Variants in DNAAF4 observed in about 807,000 individuals in gnomAD.
DNAAF4 encodes dynein axonemal assembly factor 4.
DNAAF4 carries 43 observed loss-of-function variants against 51.8 expected under a neutral mutation model. That is an observed-to-expected ratio of 0.83 (90% CI 0.65 to 1.07). The LOEUF (loss-of-function observed/expected upper bound fraction) is 1.07. DNAAF4 is among the 50% of genes least tolerant of loss of function. The pLI is 0.00. For missense variants in DNAAF4, 581 were observed against 493.0 expected (o/e 1.18, Z -1.69); for synonymous variants, 194 against 165.6 (o/e 1.17, Z -1.32).
chr15:55,481,165 C>T (rs1051680632), intron 4 of DNAAF4, among the ~76,000 whole-genome samples: 6 of 152,126 alleles, frequency 3.9e-5, no homozygotes, highest in African/African-American at 9.7e-5. Context: ...TTGGGTATGT[C>T]TTCATTAGCA....
At chr15:55,465,093 G>GA (rs2058149162) in intron 5 of DNAAF4, among the ~76,000 whole-genome samples, 1 of 152,086 alleles carries the variant, frequency 6.6e-6, no homozygotes, top group Admixed American at 6.6e-5. Context: ...ATTTAAAAAT[G>GA]AAAAAATAAC....
At chr15:55,502,196 T>C (rs2058703283) in intron 1 of DNAAF4, among the ~76,000 whole-genome samples, 1 of 152,140 alleles carries the variant, frequency 6.6e-6, no homozygotes, top group Admixed American at 6.5e-5. Flanking sequence ...ACACACATCA[T>C]GGGGTGTCTC....
chr15:55,438,365 A>G (rs1410638150), intron 7 of DNAAF4, among the ~76,000 whole-genome samples: 1 of 151,972 alleles, frequency 6.6e-6, no homozygotes. Context: ...AAAAAAAAAA[A>G]AATCCATATA....
At chr15:55,439,324 G>C in intron 7 of DNAAF4, 148 bp downstream of exon 7, 1 of 603,132 alleles carries the variant, frequency 1.7e-6, no homozygotes, top group Non-Finnish European at 2.9e-6. Context: ...TGCCCAGGTT[G>C]GTCTCAAACT....
downstream of DNAAF4, among the ~76,000 whole-genome samples, chr15:55,426,153 A>T (rs139036513): frequency 8.2e-5 from 12 of 147,158 alleles, no homozygotes; most frequent in African/African-American, 3.3e-4. Flanking sequence ...GGTGGAAGTC[A>T]CAAGATGGGA....
chr15:55,451,519 T>A (rs2057932179), intron 5 of DNAAF4, among the ~76,000 whole-genome samples: 2 of 151,880 alleles, frequency 1.3e-5, no homozygotes, highest in African/African-American at 4.8e-5. Context: ...CACAGAGAAA[T>A]AACATTAAGA....
chr15:55,465,237 C>T (rs1773146892), intron 5 of DNAAF4, among the ~76,000 whole-genome samples: 1 of 152,118 alleles, frequency 6.6e-6, no homozygotes, highest in African/African-American at 2.4e-5. Flanking sequence ...CCATTTGATC[C>T]AGCAATCCCC....
chr15:55,419,179 G>A (rs1339248514), intron 7 of DNAAF4, among the ~76,000 whole-genome samples: 3 of 152,092 alleles, frequency 2.0e-5, no homozygotes, highest in Non-Finnish European at 2.9e-5. Flanking sequence ...GCCACCCAAA[G>A]TGCTGAGATT....
At chr15:55,441,209 T>C (rs2057706141) in intron 6 of DNAAF4, among the ~76,000 whole-genome samples, 1 of 151,438 alleles carries the variant, frequency 6.6e-6, no homozygotes, top group Non-Finnish European at 1.5e-5. Flanking sequence ...ACAGCTAGGA[T>C]TACAGGCGTG....
At chr15:55,433,117 T>C (rs973910894) in intron 8 of DNAAF4, among the ~76,000 whole-genome samples, 2 of 152,020 alleles carry the variant, frequency 1.3e-5, no homozygotes, top group African/African-American at 4.8e-5. Flanking sequence ...CTGGCCAACA[T>C]GGCAAAACCC....
chr15:55,423,924 T>A (rs975772377), intron 7 of DNAAF4, among the ~76,000 whole-genome samples: 1 of 152,172 alleles, frequency 6.6e-6, no homozygotes, highest in Admixed American at 6.5e-5. Context: ...AAGCCATCTC[T>A]ACTAAAAATA....
In DNAAF4 at chr15:55,437,071, C is replaced by G. The variant is rs571781988; in HGVS notation, c.894-2013G>C. 3.3e-5 allele frequency among the ~76,000 whole-genome samples: 5 copies of G among 152,232 alleles called. No individual in the cohort carries two copies. The East Asian group carries it at 9.7e-4, about 29-fold the overall frequency. On this transcript the variant is annotated intron_variant, in intron 7 of 9. Coordinates refer to ENST00000321149, the MANE Select transcript of DNAAF4 (RefSeq NM_130810.4). ...ACCTCAGGTGATCCGCCCGCCTCAG[C>G]CTCCCAAAGTGCTGGGATTACAGGC... is the stretch of plus-strand genomic sequence containing the variant.
intron 4 of DNAAF4, among the ~76,000 whole-genome samples, chr15:55,471,476 T>TA (rs2058254113): frequency 6.6e-6 from 1 of 152,076 alleles, no homozygotes; most frequent in Admixed American, 6.6e-5. Flanking sequence ...CAAATATATA[T>TA]TTTTTATGAT....
chr15:55,480,882 G>T (rs913331073), intron 4 of DNAAF4, among the ~76,000 whole-genome samples: 9 of 152,164 alleles, frequency 5.9e-5, no homozygotes, highest in African/African-American at 2.2e-4. Flanking sequence ...ACCTTGGATT[G>T]TAATAATCCC....
At chr15:55,483,833 C>CTTTT (rs71105887) in intron 4 of DNAAF4, among the ~76,000 whole-genome samples, 952 of 82,436 alleles carry the variant, frequency 0.012, 203 homozygotes, top group Non-Finnish European at 0.016. Context: ...GCCAATAAAG[C>CTTTT]TTTTTTTTTT....
chr15:55,441,426 TACTA>T (rs1030168153), intron 6 of DNAAF4, among the ~76,000 whole-genome samples: 4 of 152,170 alleles, frequency 2.6e-5, no homozygotes, highest in Non-Finnish European at 4.4e-5. Flanking sequence ...TCTTTTTTTT[TACTA>T]TACTTTAAGT....
At chr15:55,459,000 C>T (rs567820015) in intron 5 of DNAAF4, among the ~76,000 whole-genome samples, 9 of 150,006 alleles carry the variant, frequency 6.0e-5, no homozygotes, top group East Asian at 6.0e-4. Flanking sequence ...TGCTTGAACC[C>T]GGGAGTTGGA....
chr15:55,467,105 T>C lies in DNAAF4; in HGVS notation c.462A>G (p.Lys154=). Residue 154 remains lysine, a synonymous_variant, in exon 5 of 10, where the codon AAA becomes AAG. Coordinates refer to ENST00000321149, the MANE Select transcript of DNAAF4 (RefSeq NM_130810.4). ...IEDMKENERI[K]ATKALEAWKE... Reference sequence around the variant, plus strand: ...TCCAGGCTTCCAATGCTTTAGTGGCTTTTATCCGTTCATTTTCTTTCATAT... The same window carrying C: ...TCCAGGCTTCCAATGCTTTAGTGGCCTTTATCCGTTCATTTTCTTTCATAT... The C allele has an allele frequency of 6.5e-7, 1 of 1,545,766 alleles. No homozygotes were observed. Among genetic ancestry groups the C allele is most frequent in the African/African-American group, 1.4e-5 (1 of 72,076 alleles).
chr15:55,428,938 T>C (rs2057458780), downstream of DNAAF4, among the ~76,000 whole-genome samples: 1 of 151,798 alleles, frequency 6.6e-6, no homozygotes, highest in Admixed American at 6.6e-5. Context: ...CTAAATTTGT[T>C]AGGCCAGGCG....
Sources: allele counts gnomAD v4.1 joint callset (sites outside exome capture counted in the v4.1 genomes callset), GRCh38; gene constraint gnomAD v4.1.1; transcripts MANE v1.5; gene names NCBI Gene and HGNC (gene_info 2026-07-23, HGNC 2026-07-21).